Variants in XAF1 observed in about 807,000 individuals in gnomAD.
XAF1 encodes the protein XIAP-associated factor 1.
XAF1 carries 32 observed loss-of-function variants against 32.3 expected under a neutral mutation model. The ratio of observed to expected loss-of-function variants is 0.99; its 90% CI spans 0.75 to 1.33. The LOEUF (loss-of-function observed/expected upper bound fraction) is 1.33. Ranked by LOEUF, XAF1 falls within the 40% of genes most tolerant of loss-of-function variation. The probability of loss-of-function intolerance (pLI) is 0.00; values close to 1 mark genes in which losing one functional copy is unlikely to be tolerated. For synonymous variants in XAF1, 120 were observed against 125.9 expected (o/e 0.95, Z 0.31); for missense variants, 379 against 366.0 (o/e 1.04, Z -0.29).
chr17:6,774,492 C>G lies in XAF1; in HGVS notation c.*1323C>G, dbSNP rs1976285875. 1 of 152,150 alleles carries G rather than the reference C, an allele frequency of 6.6e-6. No individual in the cohort carries two copies. The highest frequency in any genetic ancestry group is 2.4e-5 in the African/African-American group (1 of 41,434). The allele number at this position is 152,150 out of a possible 1,614,324, so 9.4% of individuals were successfully genotyped here. ...GGAAGATAACCTAGGCAATACCATT[C>G]TGGACATAGGAACGGAAAAAGATTT... On this transcript the variant is annotated 3_prime_UTR_variant, in exon 7 of 7. Coordinates refer to ENST00000361842, the MANE Select transcript of XAF1 (RefSeq NM_017523.5).
intron 4 of XAF1, among the ~76,000 whole-genome samples, chr17:6,761,011 G>A (rs533460532): frequency 1.3e-3 from 192 of 152,270 alleles, no homozygotes; most frequent in African/African-American, 4.1e-3. Context: ...AAAATTAGCC[G>A]GGCGTGGTGG....
intron 2 of XAF1, chr17:6,758,530 G>A (rs1974899699): frequency 2.3e-6 from 1 of 435,426 alleles, no homozygotes; most frequent in East Asian, 4.9e-5. Flanking sequence ...CTCTCTGCAG[G>A]ACAGATGGGG....
chr17:6,761,653 A>G (rs2271230), intron 4 of XAF1: 24,175 of 375,140 alleles, frequency 0.064, 1,569 homozygotes, highest in African/African-American at 0.21. Context: ...AGAGTCATGT[A>G]TATTTCCTTC....
intron 5 of XAF1, among the ~76,000 whole-genome samples, chr17:6,767,635 T>C (rs1460177506): frequency 2.6e-5 from 4 of 152,200 alleles, no homozygotes; most frequent in African/African-American, 9.7e-5. Context: ...AAAAATACAG[T>C]CATTTTCTTA....
intron 2 of XAF1, chr17:6,759,156 C>T (rs1385878571): frequency 9.8e-7 from 1 of 1,016,492 alleles, no homozygotes; most frequent in African/African-American, 1.7e-5. Context: ...TCATTTAGCC[C>T]CTCCACACAA....
chr17:6,760,324 G>A, intron 3 of XAF1, 82 bp from the exon 4 acceptor site: 1 of 1,376,698 alleles, frequency 7.3e-7, no homozygotes, highest in African/African-American at 1.6e-5. Flanking sequence ...CTCCAGCCTG[G>A]GCAACACAAT....
chr17:6,756,310 C>T (rs1455868061), intron 1 of XAF1, 200 bp downstream of exon 1: 3 of 1,391,466 alleles, frequency 2.2e-6, no homozygotes, highest in Admixed American at 2.8e-5. Flanking sequence ...GCATTACCTC[C>T]ACTTCACTGC....
intron 5 of XAF1, among the ~76,000 whole-genome samples, chr17:6,763,148 A>AACC (rs1405998861): frequency 6.6e-6 from 1 of 152,212 alleles, no homozygotes; most frequent in African/African-American, 2.4e-5. Flanking sequence ...AGTTCCTGGC[A>AACC]ACCACTAATC....
intron 4 of XAF1, 109 bp downstream of exon 4, chr17:6,760,710 G>A: frequency 8.9e-7 from 1 of 1,128,006 alleles, no homozygotes; most frequent in Non-Finnish European, 1.3e-6. Flanking sequence ...AAGTGTATTT[G>A]CTGTATAGAT....
chr17:6,764,055 G>C (rs1484154493), intron 5 of XAF1, among the ~76,000 whole-genome samples: 1 of 152,230 alleles, frequency 6.6e-6, no homozygotes, highest in Non-Finnish European at 1.5e-5. Flanking sequence ...CTACAGGGAA[G>C]TGGGGAGCTC....
intron 6 of XAF1, 90 bp from the exon 7 acceptor site, chr17:6,773,023 G>C (rs1567664846): frequency 2.5e-6 from 3 of 1,193,608 alleles, no homozygotes; most frequent in Non-Finnish European, 2.4e-6. Context: ...CTCATGCTCT[G>C]TAACAAGGGA....
At chr17:6,758,257 A>T (rs202027757) in intron 2 of XAF1, 33 bp downstream of exon 2, 1 of 1,609,060 alleles carries the variant, frequency 6.2e-7, no homozygotes, top group Non-Finnish European at 8.5e-7. Context: ...GGGGTCTGAG[A>T]GTCAAGGTGA....
At chr17:6,765,227 C>T (rs1439720053) in intron 5 of XAF1, among the ~76,000 whole-genome samples, 1 of 152,112 alleles carries the variant, frequency 6.6e-6, no homozygotes, top group East Asian at 1.9e-4. Context: ...ACCTGGCTAA[C>T]ACAGTGAACT....
chr17:6,765,412 CA>C (rs1174023563), intron 5 of XAF1, among the ~76,000 whole-genome samples: 1 of 151,964 alleles, frequency 6.6e-6, no homozygotes, highest in Non-Finnish European at 1.5e-5. Context: ...GACTCCATCT[CA>C]AAAAATAGAT....
rs181460346 is a variant in XAF1, at chr17:6,773,103, C to T, written c.850-10C>T. ...AACCATATCAAACTTTTTTTATATC[C>T]ATTTCTTAGGAGAAATGCCGGTGGT... On this transcript the variant is annotated splice_polypyrimidine_tract_variant and intron_variant, in intron 6 of 6. Coordinates refer to ENST00000361842, the MANE Select transcript of XAF1 (RefSeq NM_017523.5). 2.5e-6 allele frequency: 4 copies of T among 1,599,770 alleles called. No homozygotes were observed. Among genetic ancestry groups the T allele is most frequent in the Admixed American group, 3.6e-5 (2 of 56,184 alleles).
At chr17:6,756,261 G>T (rs1191144370) in intron 1 of XAF1, 151 bp downstream of exon 1, 15 of 1,422,580 alleles carry the variant, frequency 1.1e-5, no homozygotes, top group African/African-American at 4.4e-5. Context: ...CCAAGGGTAG[G>T]AGGGTTTAAA....
intron 2 of XAF1, 25 bp from the exon 3 acceptor site, chr17:6,759,637 T>C: frequency 6.3e-7 from 1 of 1,590,324 alleles, no homozygotes; most frequent in Non-Finnish European, 8.6e-7. Context: ...CTGGTGTGTG[T>C]GTGTGTGTGT....
chr17:6,759,458 A>G (rs1286269754), intron 2 of XAF1: 1 of 1,421,724 alleles, frequency 7.0e-7, no homozygotes, highest in Admixed American at 2.9e-5. Flanking sequence ...AGCCGTTGCC[A>G]ACTCAGACTG....
At chr17:6,764,365 T>C (rs1411050275) in intron 5 of XAF1, among the ~76,000 whole-genome samples, 7 of 152,252 alleles carry the variant, frequency 4.6e-5, no homozygotes, top group South Asian at 4.1e-4. Flanking sequence ...TCTTTTTGCC[T>C]ACACAAGGTC....
Sources: allele counts gnomAD v4.1 joint callset (sites outside exome capture counted in the v4.1 genomes callset), GRCh38; gene constraint gnomAD v4.1.1; transcripts MANE v1.5; gene names NCBI Gene and HGNC (gene_info 2026-07-23, HGNC 2026-07-21).